Variants in PCTP observed in about 807,000 individuals in gnomAD.
PCTP encodes the protein START domain-containing protein 2.
A neutral mutation model predicts 31.0 loss-of-function variants in PCTP; 27 were observed. The observed-to-expected ratio is 0.87, with a 90% CI of 0.64 to 1.20. PCTP has a LOEUF of 1.20. Among genes scored for constraint, PCTP ranks in the 50% most tolerant of loss-of-function variants. PCTP has a pLI of 0.00. For synonymous variants in PCTP, 108 were observed against 101.2 expected (o/e 1.07, Z -0.40); for missense variants, 287 against 268.2 (o/e 1.07, Z -0.49).
In PCTP at chr17:55,755,273, C is replaced by T. The variant is rs552390452; in HGVS notation, c.141+4029C>T. Among the ~76,000 whole-genome samples the T allele has an allele frequency of 1.4e-4, 21 of 152,270 alleles. No individual in the cohort carries two copies. The East Asian group carries it at 3.7e-3, about 27-fold the overall frequency. On this transcript the variant is annotated intron_variant, in intron 1 of 5. Coordinates refer to ENST00000268896, the MANE Select transcript of PCTP (RefSeq NM_021213.4). Reference sequence around the variant, plus strand: ...GTACGAGCTGGTTGTGACGACCCTTCACTTTGCTTCCCACACTCAGCATAG... The same window carrying T: ...GTACGAGCTGGTTGTGACGACCCTTTACTTTGCTTCCCACACTCAGCATAG...
intron 3 of PCTP, among the ~76,000 whole-genome samples, chr17:55,789,853 A>C (rs926029767): frequency 7.2e-5 from 11 of 152,192 alleles, no homozygotes; most frequent in Non-Finnish European, 1.2e-4. Context: ...ACAACCAAAA[A>C]AGAGAATTTT....
chr17:55,814,993 C>G (rs151128130), intron 3 of PCTP, among the ~76,000 whole-genome samples: 434 of 152,256 alleles, frequency 2.9e-3, no homozygotes, highest in African/African-American at 9.2e-3. Flanking sequence ...AAAATTGTGG[C>G]AGATCCTCAG....
downstream of PCTP, among the ~76,000 whole-genome samples, chr17:55,843,155 G>T (rs1018604897): frequency 6.6e-6 from 1 of 152,028 alleles, no homozygotes; most frequent in African/African-American, 2.4e-5. Flanking sequence ...TCATATTAAT[G>T]ATGTGTAATA....
chr17:55,755,251 C>T (rs1050258860), intron 1 of PCTP, among the ~76,000 whole-genome samples: 3 of 152,112 alleles, frequency 2.0e-5, no homozygotes, highest in African/African-American at 4.8e-5. Flanking sequence ...CTGTGTGGTA[C>T]GAGCTGGTTG....
Position 55,776,685 on chromosome 17 carries a change from T to G in PCTP, c.*585T>G. The G allele has an allele frequency of 8.2e-7, 1 of 1,222,484 alleles. No individual in the cohort carries two copies. The allele number at this position is 1,222,484 out of a possible 1,614,324, so 75.7% of individuals were successfully genotyped here. ...GCTGGGATTTGAGGTGATAATCCAGTAAGTCTTTCCTCGTTCCTACTTGTG... is the reference window on the plus strand; with the variant it reads ...GCTGGGATTTGAGGTGATAATCCAGGAAGTCTTTCCTCGTTCCTACTTGTG... On this transcript the variant is annotated 3_prime_UTR_variant, in exon 6 of 6. Coordinates refer to ENST00000268896, the MANE Select transcript of PCTP (RefSeq NM_021213.4).
downstream of PCTP, chr17:55,842,848 T>C (rs1195683118): frequency 2.0e-5 from 3 of 152,204 alleles, no homozygotes; most frequent in Non-Finnish European, 4.4e-5. Context: ...CATGGGAATA[T>C]TGTTTTTGAT....
At chr17:55,770,909 T>A (rs1910955128) in intron 2 of PCTP, 197 bp from the exon 3 acceptor site, 1 of 423,638 alleles carries the variant, frequency 2.4e-6, no homozygotes, top group Admixed American at 4.2e-5. Flanking sequence ...TTTTTTTTTT[T>A]ATATATAGAG....
chr17:55,767,291 A>T (rs1910716308), intron 1 of PCTP, 44 bp from the exon 2 acceptor site: 3 of 1,250,960 alleles, frequency 2.4e-6, no homozygotes, highest in East Asian at 4.8e-5. Flanking sequence ...GCTTTCTCTC[A>T]ACTTGGGAAC....
downstream of PCTP, among the ~76,000 whole-genome samples, chr17:55,777,844 A>T (rs1337865535): frequency 6.6e-6 from 1 of 152,216 alleles, no homozygotes; most frequent in South Asian, 2.1e-4. Flanking sequence ...TGTAGCTGAA[A>T]TCTATTCTAG....
chr17:55,770,741 G>A (rs1034230409), intron 2 of PCTP: 3 of 161,986 alleles, frequency 1.9e-5, no homozygotes, highest in Admixed American at 6.5e-5. Flanking sequence ...TTGAGACATG[G>A]TGTCATTCTG....
downstream of PCTP, among the ~76,000 whole-genome samples, chr17:55,826,870 G>A (rs148297879): frequency 4.5e-3 from 683 of 152,232 alleles, 8 homozygotes; most frequent in Admixed American, 0.031. Flanking sequence ...ATTACTTGGT[G>A]CAAACACTCT....
At chr17:55,809,598 C>T (rs1485079578) in intron 3 of PCTP, among the ~76,000 whole-genome samples, 1 of 150,418 alleles carries the variant, frequency 6.6e-6, no homozygotes, top group Non-Finnish European at 1.5e-5. Context: ...TCTCAACTCA[C>T]TGCAACCTCC....
chr17:55,811,660 G>A (rs189709896), intron 3 of PCTP, among the ~76,000 whole-genome samples: 4 of 152,342 alleles, frequency 2.6e-5, no homozygotes, highest in African/African-American at 4.8e-5. Flanking sequence ...CACTTCCACA[G>A]TCCAGCTGGG....
At chr17:55,786,314 T>C (rs1242043689) in intron 2 of PCTP, among the ~76,000 whole-genome samples, 1 of 152,128 alleles carries the variant, frequency 6.6e-6, no homozygotes, top group Non-Finnish European at 1.5e-5. Context: ...TAGCCATGTG[T>C]GATAGAGTCA....
chr17:55,790,413 T>C (rs1309737804), intron 3 of PCTP, among the ~76,000 whole-genome samples: 1 of 151,904 alleles, frequency 6.6e-6, no homozygotes, highest in African/African-American at 2.4e-5. Flanking sequence ...CCCCATTGTC[T>C]CAGCCCAAAA....
chr17:55,778,891 C>T (rs906885422), downstream of PCTP, among the ~76,000 whole-genome samples: 2 of 152,108 alleles, frequency 1.3e-5, no homozygotes, highest in Non-Finnish European at 2.9e-5. Flanking sequence ...ACCTTGGAAC[C>T]GAGGAGTTCC....
chr17:55,765,605 T>C (rs1314563972), intron 1 of PCTP, among the ~76,000 whole-genome samples: 1 of 152,188 alleles, frequency 6.6e-6, no homozygotes, highest in Non-Finnish European at 1.5e-5. Context: ...TTCTCACCCA[T>C]CTCCTTGTTC....
chr17:55,752,102 G>A (rs929580367), intron 1 of PCTP, among the ~76,000 whole-genome samples: 2 of 152,220 alleles, frequency 1.3e-5, no homozygotes, highest in Non-Finnish European at 2.9e-5. Context: ...CAAGGGTGAA[G>A]TCACTCCTGA....
At position 55,776,408 on chromosome 17, in the gene PCTP, A is replaced by T. The variant is rs1277856718; in HGVS notation, c.*308A>T. The T allele has an allele frequency of 8.0e-7, 1 of 1,251,150 alleles. No homozygotes were observed. The highest frequency in any genetic ancestry group is 1.5e-5 in the African/African-American group (1 of 65,080). The allele number at this position is 1,251,150 out of a possible 1,614,324, so 77.5% of individuals were successfully genotyped here. ...CTAGGGAAACCTTTGCTTGCTTACT[A>T]TTAGGAGGGGAAGTCTTCAGTAGGG... On this transcript the variant is annotated 3_prime_UTR_variant, in exon 6 of 6. Coordinates refer to ENST00000268896, the MANE Select transcript of PCTP (RefSeq NM_021213.4).
Sources: gnomAD v4.1 joint callset for allele counts (sites outside exome capture counted in the v4.1 genomes callset) on GRCh38, gnomAD v4.1.1 for gene constraint, MANE v1.5 for transcripts, NCBI Gene and HGNC (gene_info 2026-07-23, HGNC 2026-07-21) for gene names.